WLS: variants seen among roughly 807,000 people sequenced by gnomAD.
The protein encoded by WLS is protein wntless homolog.
A neutral mutation model predicts 62.8 loss-of-function variants in WLS; 23 were observed. The ratio of observed to expected loss-of-function variants is 0.37; its 90% CI spans 0.26 to 0.52. The LOEUF (loss-of-function observed/expected upper bound fraction) is 0.52, where lower values mean the gene tolerates loss of function less well. Among genes scored for constraint, WLS ranks in the 20% least tolerant of loss-of-function variants. WLS has a pLI of 0.92. For synonymous variants in WLS, 246 were observed against 244.1 expected (o/e 1.01, Z -0.07); for missense variants, 615 against 697.3 (o/e 0.88, Z 1.33).
At chr1:68,211,388 A>G (rs1649510738) in intron 1 of WLS, among the ~76,000 whole-genome samples, 1 of 145,094 alleles carries the variant, frequency 6.9e-6, no homozygotes, top group Non-Finnish European at 1.5e-5. Context: ...TTCTTAAAAA[A>G]CAACAAAATC....
intron 11 of WLS, among the ~76,000 whole-genome samples, chr1:68,130,735 G>T (rs1646506183): frequency 6.6e-6 from 1 of 152,112 alleles, no homozygotes; most frequent in Non-Finnish European, 1.5e-5. Context: ...AGTGTCGCTG[G>T]TGCAGTGGCT....
chr1:68,139,793 G>A (rs775711759), intron 10 of WLS, among the ~76,000 whole-genome samples: 4 of 152,190 alleles, frequency 2.6e-5, no homozygotes, highest in Non-Finnish European at 4.4e-5. Context: ...GTATGTGTAG[G>A]GACTCCAGGA....
At chr1:68,226,164 AGTGC>A (rs1343444714) in intron 1 of WLS, among the ~76,000 whole-genome samples, 18 of 152,328 alleles carry the variant, frequency 1.2e-4, no homozygotes, top group East Asian at 7.7e-4. Context: ...AATCAGTTTT[AGTGC>A]TATTCTCATG....
Position 68,179,133 on chromosome 1 carries a change from C to T in WLS, c.379+14822G>A, listed in dbSNP as rs187672310. The stretch of plus-strand genomic sequence containing the variant: ...TCACTCATTTCAACACTAAGCTCAC[C>T]CTCTAACAAGAGCATCTGTCTTGAC... On this transcript the variant is annotated intron_variant, in intron 2 of 11. Coordinates refer to ENST00000262348, the MANE Select transcript of WLS (RefSeq NM_024911.7). Among the ~76,000 whole-genome samples the T allele has an allele frequency of 2.0e-5, 3 of 152,270 alleles. No homozygotes were observed. In the East Asian group the frequency reaches 5.8e-4, roughly 29 times the overall value.
chr1:68,179,185 C>T (rs901408061), intron 2 of WLS, among the ~76,000 whole-genome samples: 6 of 152,190 alleles, frequency 3.9e-5, no homozygotes, highest in Non-Finnish European at 8.8e-5. Context: ...GAATGGTTTT[C>T]ACTTGAGGGT....
intron 11 of WLS, among the ~76,000 whole-genome samples, chr1:68,137,292 GAGAATAGCT>G (rs1646624670): frequency 6.6e-6 from 1 of 152,192 alleles, no homozygotes; most frequent in Non-Finnish European, 1.5e-5. Flanking sequence ...CTGGGGACAG[GAGAATAGCT>G]ATTGGTTTAG....
chr1:68,159,319 T>A (rs1646941468), intron 2 of WLS, 72 bp from the exon 3 acceptor site: 1 of 1,562,890 alleles, frequency 6.4e-7, no homozygotes, highest in African/African-American at 1.4e-5. Flanking sequence ...CAAAAAATTC[T>A]TATAGGCTTT....
chr1:68,105,067 T>C (rs553082627), intron 11 of WLS, among the ~76,000 whole-genome samples: 36 of 152,358 alleles, frequency 2.4e-4, no homozygotes, highest in Non-Finnish European at 3.5e-4. Context: ...CTCTAATTTA[T>C]CCAGACCAGC....
chr1:68,159,344 C>T (rs1016555552), intron 2 of WLS, 97 bp from the exon 3 acceptor site: 122 of 1,437,328 alleles, frequency 8.5e-5, no homozygotes, highest in Admixed American at 4.4e-4. Context: ...TGGAAACCAA[C>T]GAGACAAAAG....
At chr1:68,104,205 C>CA (rs1188348920) in intron 11 of WLS, among the ~76,000 whole-genome samples, 3 of 149,862 alleles carry the variant, frequency 2.0e-5, no homozygotes, top group South Asian at 4.2e-4. Flanking sequence ...AAAAAAAAAG[C>CA]AAAATCTAAG....
intron 11 of WLS, among the ~76,000 whole-genome samples, chr1:68,134,729 G>C (rs746509371): frequency 1.3e-5 from 2 of 152,212 alleles, no homozygotes; most frequent in African/African-American, 2.4e-5. Context: ...ATGACCTCTT[G>C]TTGAGAATTA....
intron 1 of WLS, among the ~76,000 whole-genome samples, chr1:68,212,777 A>G (rs1649566904): frequency 6.6e-6 from 1 of 152,220 alleles, no homozygotes; most frequent in Non-Finnish European, 1.5e-5. Context: ...TTTCAGATCT[A>G]TAGTAGGTTA....
chr1:68,110,840 T>C (rs1047456699), intron 11 of WLS, among the ~76,000 whole-genome samples: 3 of 152,038 alleles, frequency 2.0e-5, no homozygotes, highest in Admixed American at 6.6e-5. Context: ...TAGTTATCCA[T>C]ATAGGAAAAA....
intron 11 of WLS, among the ~76,000 whole-genome samples, chr1:68,105,579 A>G (rs1301221979): frequency 6.6e-6 from 1 of 152,244 alleles, no homozygotes; most frequent in Non-Finnish European, 1.5e-5. Flanking sequence ...TTGGCTTTCC[A>G]GGAAGTCCAA....
At chr1:68,134,609 C>T (rs1198312102) in intron 11 of WLS, among the ~76,000 whole-genome samples, 2 of 152,188 alleles carry the variant, frequency 1.3e-5, no homozygotes, top group Non-Finnish European at 2.9e-5. Context: ...CATTTAGTAG[C>T]ACCCCTAGAA....
At chr1:68,119,278 G>A (rs537536458) in intron 11 of WLS, among the ~76,000 whole-genome samples, 20 of 152,272 alleles carry the variant, frequency 1.3e-4, no homozygotes, top group African/African-American at 3.6e-4. Context: ...ACACATATAT[G>A]CATGGAAAAA....
At chr1:68,138,545 T>C (rs1646643912) in intron 10 of WLS, 1 of 152,272 alleles carries the variant, frequency 6.6e-6, no homozygotes, top group Non-Finnish European at 1.5e-5. Flanking sequence ...ATATTAGTTA[T>C]TTCTATAACA....
chr1:68,148,499 A>T (rs1245830930), intron 7 of WLS, 64 bp downstream of exon 7: 2 of 1,533,460 alleles, frequency 1.3e-6, no homozygotes, highest in African/African-American at 2.7e-5. Flanking sequence ...CACTCCTCCT[A>T]AAATGACAGG....
At chr1:68,119,920 C>G (rs1304160752) in intron 11 of WLS, among the ~76,000 whole-genome samples, 1 of 152,202 alleles carries the variant, frequency 6.6e-6, no homozygotes, top group African/African-American at 2.4e-5. Context: ...GAAGAGAGAT[C>G]TTGCTTAACT....
Sources: allele counts gnomAD v4.1 joint callset (sites outside exome capture counted in the v4.1 genomes callset), GRCh38; gene constraint gnomAD v4.1.1; transcripts MANE v1.5; gene names NCBI Gene and HGNC (gene_info 2026-07-23, HGNC 2026-07-21).